PTTG1IP2: variants seen among roughly 807,000 people sequenced by gnomAD.
PTTG1IP2 encodes PTTG1IP family member 2.
chr7:90,499,294 C>T (rs746968759), intron 6 of PTTG1IP2, among the ~76,000 whole-genome samples: 24 of 152,196 alleles, frequency 1.6e-4, no homozygotes, highest in Admixed American at 1.3e-3. Flanking sequence ...CTGCATGCAA[C>T]GGAAATTCAC....
chr7:90,498,724 G>T (rs1342607282), intron 6 of PTTG1IP2, among the ~76,000 whole-genome samples: 2 of 152,098 alleles, frequency 1.3e-5, no homozygotes, highest in African/African-American at 4.8e-5. Flanking sequence ...GATCTATCTG[G>T]ATAATAGTTT....
chr7:90,481,042 A>G (rs954188363), intron 2 of PTTG1IP2, among the ~76,000 whole-genome samples: 2 of 152,196 alleles, frequency 1.3e-5, no homozygotes, highest in Non-Finnish European at 2.9e-5. Flanking sequence ...TTTGGTAGGA[A>G]TGCTTCATGC....
intron 6 of PTTG1IP2, among the ~76,000 whole-genome samples, chr7:90,505,967 G>A (rs1210729966): frequency 1.4e-5 from 2 of 139,796 alleles, no homozygotes; most frequent in African/African-American, 5.4e-5. Flanking sequence ...GTCCGGCCTG[G>A]GCGACAGAGC....
chr7:90,480,198 G>C (rs767066314), intron 2 of PTTG1IP2, among the ~76,000 whole-genome samples: 1 of 152,216 alleles, frequency 6.6e-6, no homozygotes, highest in South Asian at 2.1e-4. Flanking sequence ...TCTGAACCCT[G>C]CACAATCTAC....
chr7:90,503,351 G>T (rs548940881), intron 6 of PTTG1IP2, among the ~76,000 whole-genome samples: 69 of 152,242 alleles, frequency 4.5e-4, no homozygotes, highest in Middle Eastern at 3.4e-3. Context: ...AGGCTATTTT[G>T]CTCTTTCATC....
chr7:90,506,576 A>C (rs943684013), intron 6 of PTTG1IP2, among the ~76,000 whole-genome samples: 9 of 152,216 alleles, frequency 5.9e-5, no homozygotes, highest in African/African-American at 1.9e-4. Context: ...CAGTCTGAGC[A>C]ACATGATGAG....
At chr7:90,470,140 T>C (rs1429672377) in intron 1 of PTTG1IP2, 1 of 152,242 alleles carries the variant, frequency 6.6e-6, no homozygotes, top group South Asian at 2.1e-4. Context: ...ATATGAAAGG[T>C]AGATTCAAAG....
At chr7:90,490,917 T>C (rs892544254) in intron 4 of PTTG1IP2, among the ~76,000 whole-genome samples, 19 of 152,224 alleles carry the variant, frequency 1.2e-4, no homozygotes, top group African/African-American at 4.6e-4. Context: ...CTCTGCTGTA[T>C]ATCCACCATC....
chr7:90,489,001 G>C (rs1489616532), intron 4 of PTTG1IP2, 37 bp downstream of exon 4: 1 of 151,482 alleles, frequency 6.6e-6, no homozygotes, highest in African/African-American at 2.4e-5. Context: ...ATGCACTTTG[G>C]GGTAATATCA....
chr7:90,488,290 AAAG>A (rs1236748999), intron 3 of PTTG1IP2, among the ~76,000 whole-genome samples: 2 of 150,082 alleles, frequency 1.3e-5, no homozygotes, highest in Non-Finnish European at 3.0e-5. Context: ...TTTGCCTTAT[AAAG>A]AAGTTACACT....
chr7:90,499,048 C>T (rs1020866571), intron 6 of PTTG1IP2, among the ~76,000 whole-genome samples: 7 of 152,076 alleles, frequency 4.6e-5, no homozygotes, highest in Admixed American at 2.6e-4. Context: ...GATGGGATTT[C>T]ACTATATTGC....
intron 6 of PTTG1IP2, among the ~76,000 whole-genome samples, chr7:90,504,243 G>A (rs1486741711): frequency 2.0e-5 from 3 of 151,910 alleles, no homozygotes; most frequent in Non-Finnish European, 2.9e-5. Context: ...TTGAACCTGG[G>A]AAGCAGAGGT....
intron 1 of PTTG1IP2, among the ~76,000 whole-genome samples, chr7:90,476,709 T>G (rs1797751523): frequency 6.6e-6 from 1 of 152,176 alleles, no homozygotes. Flanking sequence ...TATTGACATG[T>G]AGTACAGTAC....
intron 6 of PTTG1IP2, among the ~76,000 whole-genome samples, chr7:90,512,265 A>G (rs866976158): frequency 8.5e-5 from 13 of 152,306 alleles, no homozygotes; most frequent in Non-Finnish European, 1.9e-4. Flanking sequence ...GTGGATACAA[A>G]AAAAAGTGAA....
At chr7:90,480,125 ACCTGCCTTCCTCAAC>A (rs66680765) in intron 2 of PTTG1IP2, among the ~76,000 whole-genome samples, 110 of 152,232 alleles carry the variant, frequency 7.2e-4, no homozygotes, top group African/African-American at 2.5e-3. Context: ...TAGATACGTG[ACCTGCCTTCCTCAAC>A]CCTGCCTTCC....
In PTTG1IP2 at chr7:90,487,353, A is replaced by C. The variant is rs1004671839; in HGVS notation, c.219A>C (p.Ala73=). 2 of 152,638 alleles carry C rather than the reference A, an allele frequency of 1.3e-5. No homozygotes were observed. The highest frequency in any genetic ancestry group is 2.9e-5 in the Non-Finnish European group (2 of 68,038). The allele number at this position is 152,638 out of a possible 1,614,324, so 9.5% of individuals were successfully genotyped here. Residue 73 remains alanine, a synonymous_variant, in exon 3 of 7, where the codon GCA becomes GCC. Transcript: ENST00000509356. ...KKCVWCSEEK[A]CKKYCFPYFG... ...GTGTTTGGTGTAGTGAAGAAAAAGC[A>C]TGCAAAAAATACTGTTTTCCCTATT...
chr7:90,491,086 AC>A (rs1759075241), intron 4 of PTTG1IP2, among the ~76,000 whole-genome samples: 1 of 152,184 alleles, frequency 6.6e-6, no homozygotes, highest in African/African-American at 2.4e-5. Context: ...TTAAAAAAAT[AC>A]CCTAGAATGA....
intron 5 of PTTG1IP2, among the ~76,000 whole-genome samples, chr7:90,493,015 C>T (rs919569218): frequency 6.6e-6 from 1 of 152,174 alleles, no homozygotes. Context: ...CCTGAAAACC[C>T]AACTGGAGTC....
intron 6 of PTTG1IP2, 30 bp from the exon 7 acceptor site, chr7:90,513,247 TC>T (rs1287824259): frequency 1.3e-5 from 2 of 152,640 alleles, no homozygotes; most frequent in Non-Finnish European, 2.9e-5. Context: ...GTATTGTATT[TC>T]CAATAATGAA....
Sources: allele counts gnomAD v4.1 joint callset (sites outside exome capture counted in the v4.1 genomes callset), GRCh38; gene constraint gnomAD v4.1.1; transcripts MANE v1.5; gene names NCBI Gene and HGNC (gene_info 2026-07-23, HGNC 2026-07-21).